The following PPFIA2 variants were observed in gnomAD, a reference collection of about 807,000 sequenced individuals.
PPFIA2 encodes the protein PPFI scaffold protein A2.
A neutral mutation model predicts 175.5 loss-of-function variants in PPFIA2; 46 were observed. The observed-to-expected ratio is 0.26, with a 90% CI of 0.21 to 0.34. The LOEUF is 0.34. Ranked by LOEUF, PPFIA2 falls within the 10% of genes least tolerant of loss-of-function variation. PPFIA2 has a pLI of 1.00. For synonymous variants in PPFIA2, 568 were observed against 511.4 expected (o/e 1.11, Z -1.49); for missense variants, 1,179 against 1,506.1 (o/e 0.78, Z 3.60).
At chr12:81,519,803 G>A (rs553623732) in intron 4 of PPFIA2, among the ~76,000 whole-genome samples, 54 of 152,220 alleles carry the variant, frequency 3.5e-4, no homozygotes, top group African/African-American at 1.2e-3. Flanking sequence ...ACAGTCCCCC[G>A]TTATCCATGG....
chr12:81,281,746 T>C (rs569412585), intron 26 of PPFIA2, among the ~76,000 whole-genome samples: 1 of 152,204 alleles, frequency 6.6e-6, no homozygotes, highest in Non-Finnish European at 1.5e-5. Flanking sequence ...ACTCTGAGCT[T>C]TAAGATTCTG....
At chr12:81,534,907 A>G (rs10506842) in intron 4 of PPFIA2, among the ~76,000 whole-genome samples, 2,988 of 151,686 alleles carry the variant, frequency 0.02, 62 homozygotes, top group East Asian at 0.041. Flanking sequence ...TGAAAGATTC[A>G]GGTTGATTGG....
chr12:81,738,769 C>A (rs986321096), intron 3 of PPFIA2, among the ~76,000 whole-genome samples: 1 of 150,972 alleles, frequency 6.6e-6, no homozygotes, highest in African/African-American at 2.4e-5. Flanking sequence ...TATAAAGATA[C>A]CAAATAATTT....
chr12:81,533,363 T>C (rs919024677), intron 4 of PPFIA2, among the ~76,000 whole-genome samples: 2 of 151,686 alleles, frequency 1.3e-5, no homozygotes, highest in Non-Finnish European at 3.0e-5. Context: ...CATATATTTT[T>C]AAATAGTTTG....
At position 81,353,805 on chromosome 12, in the gene PPFIA2, T is replaced by C. The variant is rs1033554761; in HGVS notation, c.1774-466A>G. ...TCTTCCCAACATTTATTTACATCGA[T>C]TCTAACAAAATATTATTTAAAATAT... On this transcript the variant is annotated intron_variant, in intron 16 of 32. Coordinates refer to ENST00000549396, the MANE Select transcript of PPFIA2 (RefSeq NM_003625.5). 2.0e-5 allele frequency among the ~76,000 whole-genome samples: 3 copies of C among 152,292 alleles called. No individual in the cohort carries two copies. In the East Asian group the frequency reaches 5.8e-4, roughly 29 times the overall value.
At chr12:81,710,998 C>T (rs753436950) in intron 3 of PPFIA2, among the ~76,000 whole-genome samples, 8 of 151,040 alleles carry the variant, frequency 5.3e-5, no homozygotes, top group Non-Finnish European at 1.2e-4. Flanking sequence ...TTTGGGAGGC[C>T]GAGAAGAGAA....
chr12:81,427,401 A>G (rs1592812583), intron 7 of PPFIA2, among the ~76,000 whole-genome samples: 1 of 152,090 alleles, frequency 6.6e-6, no homozygotes, highest in African/African-American at 2.4e-5. Context: ...TAACTAAAAA[A>G]TGTGTGTGGG....
intron 7 of PPFIA2, among the ~76,000 whole-genome samples, chr12:81,420,651 A>G (rs1463985118): frequency 6.6e-6 from 1 of 152,014 alleles, no homozygotes; most frequent in Non-Finnish European, 1.5e-5. Context: ...AAAAGGGAAG[A>G]AAGCCTATCA....
chr12:81,745,812 T>C (rs138767400), intron 3 of PPFIA2, among the ~76,000 whole-genome samples: 29 of 152,292 alleles, frequency 1.9e-4, no homozygotes, highest in African/African-American at 6.7e-4. Context: ...TTAGACTCTA[T>C]ATCCTTTACT....
intron 4 of PPFIA2, among the ~76,000 whole-genome samples, chr12:81,542,751 C>G: frequency 6.6e-6 from 1 of 152,082 alleles, no homozygotes; most frequent in African/African-American, 2.4e-5. Flanking sequence ...CTCTAGCCAG[C>G]TTTATAGCCA....
intron 8 of PPFIA2, among the ~76,000 whole-genome samples, chr12:81,397,869 G>A (rs563272051): frequency 1.3e-5 from 2 of 152,004 alleles, no homozygotes; most frequent in Admixed American, 1.3e-4. Flanking sequence ...GATTCACAAA[G>A]TAGTGTGAAC....
chr12:81,734,437 G>A (rs185633868), intron 3 of PPFIA2, among the ~76,000 whole-genome samples: 18 of 151,954 alleles, frequency 1.2e-4, no homozygotes, highest in Middle Eastern at 6.8e-3. Context: ...CAAAGGGGGA[G>A]AGAGGCAGAT....
Position 81,693,512 on chromosome 12 carries a change from C to T in PPFIA2, c.250-16668G>A, listed in dbSNP as rs559210040. ...AAGCCAAGCAGATGCCCACACCATG[C>T]TCCTTGTAAAGCCTGCAGAACTGTA... is the stretch of plus-strand genomic sequence containing the variant. On this transcript the variant is annotated intron_variant, in intron 3 of 32. Transcript: ENST00000549396. 2.6e-5 allele frequency among the ~76,000 whole-genome samples: 4 copies of T among 152,262 alleles called. No individual in the cohort carries two copies. The South Asian group carries it at 6.2e-4, about 24-fold the overall frequency.
At chr12:81,375,688 A>G in intron 10 of PPFIA2, 108 bp downstream of exon 10, 1 of 1,137,252 alleles carries the variant, frequency 8.8e-7, no homozygotes, top group Non-Finnish European at 1.3e-6. Context: ...AATTTTAGAG[A>G]ATGATTACTC....
rs867279287 is a variant in PPFIA2, at chr12:81,508,884, G to T, written c.304-51018C>A. On this transcript the variant is annotated intron_variant, in intron 4 of 32. Coordinates refer to ENST00000549396, the MANE Select transcript of PPFIA2 (RefSeq NM_003625.5). The stretch of plus-strand genomic sequence containing the variant: ...GCGGTGTTTGGTTTTTTGTTCTTGC[G>T]ATAGTTTACACATGCACACGTATGT... Among the ~76,000 whole-genome samples the T allele has an allele frequency of 7.3e-5, 11 of 151,254 alleles. No individual in the cohort carries two copies. In the South Asian group the frequency reaches 1.0e-3, roughly 14 times the overall value.
intron 4 of PPFIA2, among the ~76,000 whole-genome samples, chr12:81,463,192 A>T (rs2054969910): frequency 2.0e-5 from 3 of 152,058 alleles, no homozygotes; most frequent in East Asian, 1.9e-4. Context: ...CAACATGGAA[A>T]GATTTCAAAA....
intron 4 of PPFIA2, among the ~76,000 whole-genome samples, chr12:81,534,556 T>C (rs1216567019): frequency 6.6e-6 from 1 of 151,696 alleles, no homozygotes; most frequent in Non-Finnish European, 1.5e-5. Flanking sequence ...TTCATTCTTT[T>C]AAAAAAGACT....
At chr12:81,559,749 G>C (rs1453971105) in intron 4 of PPFIA2, among the ~76,000 whole-genome samples, 1 of 151,124 alleles carries the variant, frequency 6.6e-6, no homozygotes, top group Non-Finnish European at 1.5e-5. Context: ...CTTATTAAGT[G>C]ATTTTACATT....
intron 5 of PPFIA2, among the ~76,000 whole-genome samples, chr12:81,448,443 C>T (rs2051744740): frequency 6.6e-6 from 1 of 152,212 alleles, no homozygotes; most frequent in Non-Finnish European, 1.5e-5. Context: ...CTTTCATCTT[C>T]AGGCTATTCT....
Sources: gnomAD v4.1 joint callset for allele counts (sites outside exome capture counted in the v4.1 genomes callset) on GRCh38, gnomAD v4.1.1 for gene constraint, MANE v1.5 for transcripts, NCBI Gene and HGNC (gene_info 2026-07-23, HGNC 2026-07-21) for gene names.